ATP2B1: variants seen among roughly 807,000 people sequenced by gnomAD.
The protein encoded by ATP2B1 is plasma membrane calcium-transporting ATPase 1.
A neutral mutation model predicts 124.2 loss-of-function variants in ATP2B1; 14 were observed. The ratio of observed to expected loss-of-function variants is 0.11; its 90% CI spans 0.07 to 0.18. ATP2B1 has a LOEUF of 0.18. ATP2B1 is among the 10% of genes least tolerant of loss of function. The pLI is 1.00. For synonymous variants in ATP2B1, 449 were observed against 492.4 expected (o/e 0.91, Z 1.17); for missense variants, 763 against 1,466.1 (o/e 0.52, Z 7.83).
intron 10 of ATP2B1, among the ~76,000 whole-genome samples, chr12:89,620,479 T>G (rs1879776766): frequency 6.6e-6 from 1 of 152,150 alleles, no homozygotes; most frequent in Admixed American, 6.5e-5. Context: ...ACCCAACTGC[T>G]TTGGTCCTTG....
At chr12:89,647,324 T>A (rs533815438) in intron 2 of ATP2B1, among the ~76,000 whole-genome samples, 4 of 152,318 alleles carry the variant, frequency 2.6e-5, no homozygotes, top group African/African-American at 7.2e-5. Context: ...TCTGACTCCA[T>A]CATTGTTTGG....
At chr12:89,652,625 A>G (rs1885403456) in intron 2 of ATP2B1, among the ~76,000 whole-genome samples, 1 of 152,248 alleles carries the variant, frequency 6.6e-6, no homozygotes, top group Non-Finnish European at 1.5e-5. Context: ...TTCATTTATT[A>G]CCATTTGTAT....
intron 1 of ATP2B1, among the ~76,000 whole-genome samples, chr12:89,683,768 T>C (rs771583644): frequency 6.6e-6 from 1 of 152,144 alleles, no homozygotes; most frequent in Non-Finnish European, 1.5e-5. Flanking sequence ...CAGTAACGGA[T>C]TGCTAGAGAA....
chr12:89,655,676 C>G lies in ATP2B1; in HGVS notation c.208+3G>C. Reference sequence around the variant, plus strand: ...AACCAAAAACAAGCATAATAAAACTCACCTTCATTGGGAGATGTTTTCAAT... The same window carrying G: ...AACCAAAAACAAGCATAATAAAACTGACCTTCATTGGGAGATGTTTTCAAT... On this transcript the variant is annotated splice_donor_region_variant and intron_variant, in intron 2 of 20. Transcript: ENST00000428670. 1 of 1,613,494 alleles carries G rather than the reference C, an allele frequency of 6.2e-7. No homozygotes were observed. Among genetic ancestry groups the G allele is most frequent in the Non-Finnish European group, 8.5e-7 (1 of 1,179,472 alleles).
intron 1 of ATP2B1, among the ~76,000 whole-genome samples, chr12:89,694,848 G>C (rs982421924): frequency 2.0e-5 from 3 of 152,120 alleles, no homozygotes; most frequent in Non-Finnish European, 4.4e-5. Context: ...CTTGAGCCCA[G>C]GAGTTTGAGA....
chr12:89,611,568 T>C, intron 12 of ATP2B1, 196 bp from the exon 13 acceptor site: 1 of 450,262 alleles, frequency 2.2e-6, no homozygotes, highest in Non-Finnish European at 3.6e-6. Context: ...CCAATTCCAC[T>C]GCCAGACTTA....
At position 89,611,256 on chromosome 12, in the gene ATP2B1, C is replaced by T. The variant is rs1189333433; in HGVS notation, c.2184G>A (p.Gly728=). The change falls in exon 13 of 21, where the codon GGG becomes GGA. Residue 728 remains glycine (G), a synonymous_variant. Coordinates refer to ENST00000428670, the MANE Select transcript of ATP2B1 (RefSeq NM_001366521.1). The part of the protein sequence containing the change: ...IATKCGILHP[G]EDFLCLEGKD... ...TACCTTCTAGGCACAGAAAATCTTC[C>T]CCAGGATGTAAAATACCACATTTGG... 3 of 1,611,030 alleles carry T rather than the reference C, an allele frequency of 1.9e-6. No homozygotes were observed. The highest frequency in any genetic ancestry group is 1.7e-5 in the Admixed American group (1 of 59,612).
At chr12:89,669,992 G>A (rs939615442) in intron 1 of ATP2B1, among the ~76,000 whole-genome samples, 6 of 152,160 alleles carry the variant, frequency 3.9e-5, no homozygotes, top group Middle Eastern at 3.2e-3. Context: ...GAAAAGGAGA[G>A]TGACACACCA....
At chr12:89,611,094 G>T in intron 13 of ATP2B1, 99 bp downstream of exon 13, 1 of 1,088,730 alleles carries the variant, frequency 9.2e-7, no homozygotes, top group Non-Finnish European at 1.3e-6. Context: ...TTCATGCATG[G>T]TGCCTAACAC....
chr12:89,682,182 T>C (rs568756012), intron 1 of ATP2B1, among the ~76,000 whole-genome samples: 59 of 152,036 alleles, frequency 3.9e-4, no homozygotes, highest in Admixed American at 2.1e-3. Context: ...ACAAGAAATG[T>C]TCAAAATCTA....
chr12:89,707,428 T>C (rs1892598384), intron 1 of ATP2B1, among the ~76,000 whole-genome samples: 2 of 152,122 alleles, frequency 1.3e-5, no homozygotes, highest in South Asian at 4.2e-4. Flanking sequence ...GCAGACAAGT[T>C]CAGATATATG....
intron 2 of ATP2B1, among the ~76,000 whole-genome samples, chr12:89,654,392 T>C (rs1238696696): frequency 3.9e-5 from 6 of 152,228 alleles, no homozygotes; most frequent in Non-Finnish European, 7.3e-5. Flanking sequence ...ATCAAAATGG[T>C]GTAGCATATC....
intron 1 of ATP2B1, among the ~76,000 whole-genome samples, chr12:89,700,272 C>T (rs906450113): frequency 2.2e-4 from 34 of 152,072 alleles, no homozygotes; most frequent in Admixed American, 2.2e-3. Flanking sequence ...AGAGGAGCTC[C>T]CTTTCCTAGG....
intron 2 of ATP2B1, among the ~76,000 whole-genome samples, chr12:89,647,543 T>C (rs1884649400): frequency 6.6e-6 from 1 of 152,252 alleles, no homozygotes; most frequent in African/African-American, 2.4e-5. Context: ...GAATGTTGGA[T>C]GTAGATTTAA....
chr12:89,624,866 GTATTATTTCTTCAA>G (rs1880578147), intron 8 of ATP2B1, among the ~76,000 whole-genome samples: 1 of 152,068 alleles, frequency 6.6e-6, no homozygotes, highest in Non-Finnish European at 1.5e-5. Context: ...ATAACACAAA[GTATTATTTCTTCAA>G]TTTTTTTGCT....
At chr12:89,634,257 A>G (rs1882341605) in intron 5 of ATP2B1, among the ~76,000 whole-genome samples, 1 of 152,172 alleles carries the variant, frequency 6.6e-6, no homozygotes, top group Non-Finnish European at 1.5e-5. Context: ...GGTTAATCAT[A>G]TAATACTAAA....
intron 3 of ATP2B1, among the ~76,000 whole-genome samples, chr12:89,640,690 G>A (rs1013175206): frequency 3.3e-5 from 5 of 152,110 alleles, no homozygotes; most frequent in African/African-American, 1.2e-4. Context: ...CCTAAGGGGA[G>A]GTGTTTGGAT....
chr12:89,647,342 A>G (rs1280901496), intron 2 of ATP2B1, among the ~76,000 whole-genome samples: 1 of 152,228 alleles, frequency 6.6e-6, no homozygotes, highest in Non-Finnish European at 1.5e-5. Context: ...TGGAGAAATA[A>G]AAGTCTATAT....
chr12:89,689,044 G>C (rs980985508), intron 1 of ATP2B1, among the ~76,000 whole-genome samples: 3 of 151,978 alleles, frequency 2.0e-5, no homozygotes, highest in African/African-American at 7.2e-5. Flanking sequence ...CACATTCACT[G>C]ACTTCAGTGA....
Sources: allele counts gnomAD v4.1 joint callset (sites outside exome capture counted in the v4.1 genomes callset), GRCh38; gene constraint gnomAD v4.1.1; transcripts MANE v1.5; gene names NCBI Gene and HGNC (gene_info 2026-07-23, HGNC 2026-07-21).